The following GPM6A variants were observed in gnomAD, a reference collection of about 807,000 sequenced individuals.
GPM6A encodes the protein neuronal membrane glycoprotein M6-a.
In GPM6A, 7 loss-of-function variants were observed where a neutral mutation model predicts 32.1. That is an observed-to-expected ratio of 0.22 (90% CI 0.12 to 0.41). The LOEUF is 0.41. GPM6A is among the 10% of genes least tolerant of loss of function. GPM6A has a pLI of 1.00. For missense variants in GPM6A, 235 were observed against 347.2 expected, an observed-to-expected ratio of 0.68 and a Z score of 2.57; for synonymous variants, 130 against 123.4, an observed-to-expected ratio of 1.05 and a Z score of -0.35.
chr4:175,993,303 A>G (rs1214023403), intron 1 of GPM6A, among the ~76,000 whole-genome samples: 1 of 152,116 alleles, frequency 6.6e-6, no homozygotes, highest in Non-Finnish European at 1.5e-5. Flanking sequence ...CCCTTAAAAC[A>G]AAATATATTG....
chr4:175,807,736 T>C (rs1044873290), intron 1 of GPM6A: 1 of 152,196 alleles, frequency 6.6e-6, no homozygotes. Flanking sequence ...TTGCAGATCA[T>C]AGCTGATGAC....
chr4:175,708,363 T>TTTTATTTA (rs57574939), intron 1 of GPM6A, among the ~76,000 whole-genome samples: 13,735 of 142,104 alleles, frequency 0.097, 801 homozygotes, highest in South Asian at 0.16. Context: ...AGAAGGTTTA[T>TTTTATTTA]TTTATTTATT....
At chr4:175,650,715 A>G (rs1485325561) in intron 4 of GPM6A, among the ~76,000 whole-genome samples, 3 of 152,144 alleles carry the variant, frequency 2.0e-5, no homozygotes, top group Non-Finnish European at 4.4e-5. Context: ...CTGAACACAC[A>G]GCTAGTTGGC....
intron 1 of GPM6A, among the ~76,000 whole-genome samples, chr4:175,931,709 C>CACACACACACATAT (rs1324269132): frequency 2.3e-5 from 3 of 129,298 alleles, no homozygotes; most frequent in African/African-American, 8.6e-5. Flanking sequence ...CACACACACA[C>CACACACACACATAT]ATATATATAT....
chr4:175,982,951 G>A (rs190627988), intron 1 of GPM6A, among the ~76,000 whole-genome samples: 121 of 151,772 alleles, frequency 8.0e-4, no homozygotes, highest in African/African-American at 2.6e-3. Flanking sequence ...TATTGTGTTC[G>A]GTTTATACCT....
At chr4:175,777,691 C>T (rs1733450227) in intron 1 of GPM6A, among the ~76,000 whole-genome samples, 2 of 151,956 alleles carry the variant, frequency 1.3e-5, no homozygotes, top group South Asian at 2.1e-4. Context: ...AATTAATTTA[C>T]TAACAGGATA....
At chr4:175,707,708 G>T (rs1182830503) in intron 1 of GPM6A, among the ~76,000 whole-genome samples, 8 of 151,828 alleles carry the variant, frequency 5.3e-5, no homozygotes, top group Admixed American at 5.2e-4. Flanking sequence ...AAAATACAGA[G>T]AGGAAATTAA....
chr4:175,913,826 C>T (rs1738399348), intron 1 of GPM6A, among the ~76,000 whole-genome samples: 1 of 152,150 alleles, frequency 6.6e-6, no homozygotes. Flanking sequence ...AACCAACTTC[C>T]TTCACCTGCT....
At chr4:175,981,141 T>A (rs1740804600) in intron 1 of GPM6A, among the ~76,000 whole-genome samples, 1 of 152,142 alleles carries the variant, frequency 6.6e-6, no homozygotes. Context: ...GGAAATAGTT[T>A]TTATTTTATT....
chr4:175,879,632 G>C (rs969868773), intron 1 of GPM6A, among the ~76,000 whole-genome samples: 16 of 152,034 alleles, frequency 1.1e-4, no homozygotes, highest in African/African-American at 3.9e-4. Context: ...TGACACATGA[G>C]GATTATTACA....
At chr4:175,944,012 G>A (rs1739507816) in intron 1 of GPM6A, among the ~76,000 whole-genome samples, 1 of 151,940 alleles carries the variant, frequency 6.6e-6, no homozygotes, top group Non-Finnish European at 1.5e-5. Flanking sequence ...TCTGGTCCTG[G>A]GCTTTTTTTG....
At chr4:175,896,168 G>T (rs936956155) in intron 1 of GPM6A, among the ~76,000 whole-genome samples, 1 of 152,064 alleles carries the variant, frequency 6.6e-6, no homozygotes, top group Non-Finnish European at 1.5e-5. Flanking sequence ...TATCTTTTGG[G>T]GAAGCTTTAC....
At chr4:175,761,708 TAAA>T (rs1732751097) in intron 1 of GPM6A, among the ~76,000 whole-genome samples, 1 of 151,772 alleles carries the variant, frequency 6.6e-6, no homozygotes, top group Non-Finnish European at 1.5e-5. Context: ...AAAATAAAAA[TAAA>T]AATCATAAAA....
chr4:175,875,386 G>A (rs554531148), intron 1 of GPM6A, among the ~76,000 whole-genome samples: 51 of 152,130 alleles, frequency 3.4e-4, no homozygotes, highest in Non-Finnish European at 5.0e-4. Flanking sequence ...ACACACAAGC[G>A]TAACAGACAG....
At position 175,937,875 on chromosome 4, in the gene GPM6A, A is replaced by AT. The variant is rs200410843; in HGVS notation, c.-23+64433_-23+64434insA. 1.6e-4 allele frequency among the ~76,000 whole-genome samples: 25 copies of AT among 151,982 alleles called. 1 individual carries two copies. Among genetic ancestry groups the AT allele is most frequent in the African/African-American group, 5.3e-4 (22 of 41,344 alleles). ...GTCCATTTTTACAATGAAAACAAAA[A>AT]GCACCTAAATTACAAGTGCCACTTA... On this transcript the variant is annotated intron_variant, in intron 1 of 7. Coordinates refer to the GPM6A transcript ENST00000280187.
At chr4:175,640,959 AT>A in intron 4 of GPM6A, 130 bp from the exon 5 acceptor site, 1 of 634,098 alleles carries the variant, frequency 1.6e-6, no homozygotes, top group Non-Finnish European at 2.8e-6. Context: ...CAGTGGAAAA[AT>A]AATCTAGCTT....
chr4:175,762,551 A>G (rs557891778), intron 1 of GPM6A, among the ~76,000 whole-genome samples: 84 of 152,314 alleles, frequency 5.5e-4, no homozygotes, highest in South Asian at 8.3e-4. Flanking sequence ...TCAATAAAAG[A>G]CAGCAGACAA....
intron 1 of GPM6A, among the ~76,000 whole-genome samples, chr4:175,877,262 C>T (rs1197341408): frequency 6.6e-6 from 1 of 152,076 alleles, no homozygotes; most frequent in African/African-American, 2.4e-5. Flanking sequence ...CAAGGGACAG[C>T]AAATCTGAGT....
chr4:175,942,644 C>G (rs552233512), intron 1 of GPM6A, among the ~76,000 whole-genome samples: 1 of 152,242 alleles, frequency 6.6e-6, no homozygotes, highest in South Asian at 2.1e-4. Flanking sequence ...ATCCACTCCC[C>G]ATTGCTTGTT....
Sources: allele counts gnomAD v4.1 joint callset (sites outside exome capture counted in the v4.1 genomes callset), GRCh38; gene constraint gnomAD v4.1.1; transcripts MANE v1.5; gene names NCBI Gene and HGNC (gene_info 2026-07-23, HGNC 2026-07-21).